The following SOX13 variants were observed in gnomAD, a reference collection of about 807,000 sequenced individuals.
SOX13 encodes the protein transcription factor SOX-13.
Under a neutral mutation model 71.8 loss-of-function variants are expected in SOX13, and 28 were observed. The ratio of observed to expected loss-of-function variants is 0.39; its 90% CI spans 0.29 to 0.53. The LOEUF (loss-of-function observed/expected upper bound fraction) is 0.53. Ranked by LOEUF, SOX13 falls within the 20% of genes least tolerant of loss-of-function variation. The pLI is 0.70. For synonymous variants in SOX13, 309 were observed against 317.8 expected (o/e 0.97, Z 0.29); for missense variants, 627 against 810.3 (o/e 0.77, Z 2.75).
chr1:204,122,612 A>G (rs969521819), intron 9 of SOX13: 1 of 601,670 alleles, frequency 1.7e-6, no homozygotes, highest in Non-Finnish European at 2.9e-6. Flanking sequence ...CCAGAGTCAC[A>G]TAGTTCCAGG....
At chr1:204,097,853 T>A (rs2102238367) in intron 1 of SOX13, among the ~76,000 whole-genome samples, 1 of 152,252 alleles carries the variant, frequency 6.6e-6, no homozygotes, top group South Asian at 2.1e-4. Context: ...ATTGTTTTCT[T>A]ATTTTTAAAT....
chr1:204,106,280 T>C (rs1267341161), intron 1 of SOX13, among the ~76,000 whole-genome samples: 2 of 152,192 alleles, frequency 1.3e-5, no homozygotes, highest in African/African-American at 2.4e-5. Context: ...CAGAGGATAA[T>C]TGGGTGTGGG....
intron 1 of SOX13, among the ~76,000 whole-genome samples, chr1:204,085,098 G>A (rs1413036554): frequency 6.6e-6 from 1 of 152,166 alleles, no homozygotes; most frequent in East Asian, 1.9e-4. Context: ...GCCAGGGTGT[G>A]GCAACCCTCC....
At chr1:204,082,109 GTGTGAGTGTAA>G (rs1162787909) in intron 1 of SOX13, among the ~76,000 whole-genome samples, 6 of 151,802 alleles carry the variant, frequency 4.0e-5, no homozygotes, top group Admixed American at 1.3e-4. Flanking sequence ...TGTGATGTGT[GTGTGAGTGTAA>G]TGTGAGTGTG....
At chr1:204,092,864 G>A (rs1364719454) in intron 1 of SOX13, among the ~76,000 whole-genome samples, 1 of 152,002 alleles carries the variant, frequency 6.6e-6, no homozygotes, top group Non-Finnish European at 1.5e-5. Flanking sequence ...GATTTGCTGT[G>A]CAGCACGGGT....
intron 1 of SOX13, among the ~76,000 whole-genome samples, chr1:204,084,330 G>T (rs1015369968): frequency 5.9e-5 from 9 of 152,164 alleles, no homozygotes; most frequent in Admixed American, 1.3e-4. Context: ...AGGCAGCTGT[G>T]GGGGGTGCAG....
chr1:204,117,204 A>G lies in SOX13; in HGVS notation c.660+14A>G. On this transcript the variant is annotated intron_variant, in intron 6 of 13. Coordinates refer to ENST00000367204, the MANE Select transcript of SOX13 (RefSeq NM_005686.3). ...CAGCAGATCCAGGTAACCGGAGGGGAGACCCGGAGAGGCACAGGAGGCAGT... is the reference window on the plus strand; with the variant it reads ...CAGCAGATCCAGGTAACCGGAGGGGGGACCCGGAGAGGCACAGGAGGCAGT... The G allele has an allele frequency of 6.2e-7, 1 of 1,612,382 alleles. No individual in the cohort carries two copies. Among genetic ancestry groups the G allele is most frequent in the Non-Finnish European group, 8.5e-7 (1 of 1,178,456 alleles).
chr1:204,099,822 C>G (rs1450757803), intron 1 of SOX13, among the ~76,000 whole-genome samples: 1 of 152,152 alleles, frequency 6.6e-6, no homozygotes, highest in African/African-American at 2.4e-5. Context: ...TCGAACAGTG[C>G]TTGGCACATA....
rs1426237266 is a variant in SOX13, at chr1:204,123,842, C to G, written c.1375+38C>G. The G allele has an allele frequency of 6.2e-7, 1 of 1,609,578 alleles. No homozygotes were observed. Among genetic ancestry groups the G allele is most frequent in the Non-Finnish European group, 8.5e-7 (1 of 1,176,448 alleles). ...GGCTGGGGCCATGGTTCAGTGTGAC[C>G]TGGTTGCAGGAGCCAGCTGGGTCTA... On this transcript the variant is annotated intron_variant, in intron 12 of 13. Transcript: ENST00000367204. The surrounding 1 kb of genome is among the most constrained non-coding windows in gnomAD (Gnocchi z 5.0).
chr1:204,089,689 C>T (rs991189594), intron 1 of SOX13, among the ~76,000 whole-genome samples: 1 of 152,196 alleles, frequency 6.6e-6, no homozygotes, highest in African/African-American at 2.4e-5. Context: ...CCTGCGGGCA[C>T]CAGGGCTGTG....
In SOX13 at chr1:204,117,603, T is replaced by G. The variant is rs369370682; in HGVS notation, c.671T>G (p.Met224Arg). 3.1e-6 allele frequency: 5 copies of G among 1,610,940 alleles called. No homozygotes were observed. The highest frequency in any genetic ancestry group is 4.2e-6 in the Non-Finnish European group (5 of 1,178,244). The change falls in exon 7 of 14, where the codon ATG becomes AGG. Residue 224 changes from methionine to arginine, a missense_variant. Physicochemically the swap from Met to Arg is moderately conservative, Grantham distance 91. Coordinates refer to ENST00000367204, the MANE Select transcript of SOX13 (RefSeq NM_005686.3). Reference protein sequence around the residue: ...LLQQQIQQVNMPYVMIPAFPP... With the variant: ...LLQQQIQQVNRPYVMIPAFPP... ...TTTCTTTGCCTTCAGCAGGTTAACA[T>G]GCCTTATGTCATGATCCCAGCCTTC...
intron 1 of SOX13, among the ~76,000 whole-genome samples, chr1:204,084,331 G>A (rs1470564166): frequency 5.9e-5 from 9 of 152,174 alleles, no homozygotes; most frequent in African/African-American, 2.2e-4. Context: ...GGCAGCTGTG[G>A]GGGGTGCAGG....
chr1:204,078,506 G>A (rs1315248894), intron 1 of SOX13, among the ~76,000 whole-genome samples: 5 of 152,230 alleles, frequency 3.3e-5, no homozygotes, highest in Admixed American at 1.3e-4. Context: ...ACAGTAAATC[G>A]TGCTTTGAAT....
Position 204,122,879 on chromosome 1 carries a change from C to G in SOX13, c.1050C>G (p.Val350=), listed in dbSNP as rs775378406. The stretch of plus-strand genomic sequence containing the variant: ...GCTTCCTTGGTGAAGGGGACGCTGT[C>G]ACCAAAGCCATCCAGGATGCTCGGC... The part of the protein sequence containing the change: ...PLGFLGEGDA[V]TKAIQDARQL... Residue 350 remains valine (V), a synonymous_variant, in exon 10 of 14, where the codon GTC becomes GTG. Coordinates refer to ENST00000367204, the MANE Select transcript of SOX13 (RefSeq NM_005686.3). 1.3e-6 allele frequency: 2 copies of G among 1,571,486 alleles called. No individual in the cohort carries two copies. Among genetic ancestry groups the G allele is most frequent in the East Asian group, 2.4e-5 (1 of 42,280 alleles).
chr1:204,121,983 C>A lies in SOX13; in HGVS notation c.859C>A (p.Gln287Lys). ...GGCCATGGCCACCCACCACCCCCTGCAGGTACCGCCCTCTACCCACTGGCC... is the reference window on the plus strand; with the variant it reads ...GGCCATGGCCACCCACCACCCCCTGAAGGTACCGCCCTCTACCCACTGGCC... ...PGAMATHHPL[Q>K]EPSQPLNLTA... The change falls in exon 8 of 14, where the codon CAG (glutamine) becomes AAG (lysine). Residue 287 changes from glutamine (Q) to lysine (K), a missense_variant and splice_region_variant. This residue lies in a region of SOX13 where 447 missense variants were observed against 532.2 expected (regional missense o/e 0.84). Coordinates refer to ENST00000367204, the MANE Select transcript of SOX13 (RefSeq NM_005686.3). 1 of 1,599,788 alleles carries A rather than the reference C, an allele frequency of 6.3e-7. No individual in the cohort carries two copies. Among genetic ancestry groups the A allele is most frequent in the Non-Finnish European group, 8.6e-7 (1 of 1,167,732 alleles).
rs372239414 is a variant in SOX13 at position 204,116,218 on chromosome 1, G to A, written c.419-289G>A. 4.1e-5 allele frequency: 57 copies of A among 1,387,756 alleles called. No individual in the cohort carries two copies. The East Asian group carries it at 1.1e-3, about 28-fold the overall frequency. 86.0% of individuals were successfully genotyped at this position (1,387,756 alleles called of 1,614,324 possible). On this transcript the variant is annotated intron_variant, in intron 4 of 13. Coordinates refer to ENST00000367204, the MANE Select transcript of SOX13 (RefSeq NM_005686.3). ...GTGGCGCTGAGCACTCGAGGACATT[G>A]AAGAGGCCTGGGGCTCTGGGGCTGA...
chr1:204,121,656 CTATT>C (rs956513918), intron 7 of SOX13, among the ~76,000 whole-genome samples: 2 of 151,918 alleles, frequency 1.3e-5, no homozygotes, highest in African/African-American at 4.8e-5. Context: ...CTGGGAAACT[CTATT>C]TAGAGTGGGT....
In SOX13 at chr1:204,122,941, C is replaced by T. The variant is rs764754795; in HGVS notation, c.1112C>T (p.Ser371Phe). ...LHSHSGALDGSPNTPFRKDLI... is the reference protein window; with the variant it reads ...LHSHSGALDGFPNTPFRKDLI... ...AGCCACAGTGGGGCCTTGGATGGCT[C>T]CCCCAACACCCCCTTCCGTAAGGTA... is the stretch of plus-strand genomic sequence containing the variant. The change falls in exon 10 of 14, where the codon TCC becomes TTC. Residue 371 changes from serine (S) to phenylalanine (F), a missense_variant. Coordinates refer to ENST00000367204, the MANE Select transcript of SOX13 (RefSeq NM_005686.3). The T allele has an allele frequency of 1.3e-6, 2 of 1,586,662 alleles. No individual in the cohort carries two copies. Among genetic ancestry groups the T allele is most frequent in the South Asian group, 2.3e-5 (2 of 87,658 alleles).
intron 1 of SOX13, among the ~76,000 whole-genome samples, chr1:204,088,883 C>T (rs1204735794): frequency 6.6e-6 from 1 of 152,134 alleles, no homozygotes; most frequent in South Asian, 2.1e-4. Context: ...ACATACTGTG[C>T]AGGCTCCTCG....
Sources: allele counts gnomAD v4.1 joint callset (sites outside exome capture counted in the v4.1 genomes callset), GRCh38; gene constraint gnomAD v4.1.1; regional missense constraint gnomAD v4.1.1; non-coding constraint Gnocchi (gnomAD v3.1); transcripts MANE v1.5; gene names NCBI Gene and HGNC (gene_info 2026-07-23, HGNC 2026-07-21).